CAMSAP1: variants seen among roughly 807,000 people sequenced by gnomAD.
CAMSAP1 encodes calmodulin-regulated spectrin-associated protein 1.
In CAMSAP1, 58 loss-of-function variants were observed where a neutral mutation model predicts 143.5. The observed-to-expected ratio is 0.40, with a 90% CI of 0.33 to 0.50. The LOEUF (loss-of-function observed/expected upper bound fraction) is 0.50, where lower values mean the gene tolerates loss of function less well. Among genes scored for constraint, CAMSAP1 ranks in the 20% least tolerant of loss-of-function variants. CAMSAP1 has a pLI of 0.45. For synonymous variants in CAMSAP1, 945 were observed against 859.3 expected (o/e 1.10, Z -1.74); for missense variants, 1,969 against 2,115.7 (o/e 0.93, Z 1.36).
At chr9:135,817,046 C>G (rs1439636223) in intron 14 of CAMSAP1, among the ~76,000 whole-genome samples, 3 of 152,196 alleles carry the variant, frequency 2.0e-5, no homozygotes, top group Non-Finnish European at 4.4e-5. Flanking sequence ...GAAGCCGATA[C>G]TGAGAGGCAG....
intron 11 of CAMSAP1, among the ~76,000 whole-genome samples, chr9:135,819,918 C>G (rs1835384408): frequency 6.6e-6 from 1 of 152,066 alleles, no homozygotes; most frequent in Admixed American, 6.6e-5. Flanking sequence ...GTGCAACCAC[C>G]AAATAAAGCT....
intron 14 of CAMSAP1, among the ~76,000 whole-genome samples, chr9:135,817,482 C>T (rs1247902210): frequency 6.6e-6 from 1 of 151,936 alleles, no homozygotes; most frequent in African/African-American, 2.4e-5. Context: ...GCCTCAACTT[C>T]CTGGGCTCAA....
chr9:135,811,087 C>A lies in CAMSAP1; in HGVS notation c.*222G>T. On this transcript the variant is annotated 3_prime_UTR_variant, in exon 17 of 17. Coordinates refer to ENST00000389532, the MANE Select transcript of CAMSAP1 (RefSeq NM_015447.4). The surrounding 1 kb of genome is among the most constrained non-coding windows in gnomAD (Gnocchi z 4.9). ...ACTGCAAAAGCGGCATCTACTCCCCCATCCTCACCCTGCCTGGCATCCTCT... is the reference window on the plus strand; with the variant it reads ...ACTGCAAAAGCGGCATCTACTCCCCAATCCTCACCCTGCCTGGCATCCTCT... 5.0e-6 allele frequency: 3 copies of A among 594,270 alleles called. No homozygotes were observed. Among genetic ancestry groups the A allele is most frequent in the Non-Finnish European group, 5.9e-6 (2 of 339,894 alleles). 36.8% of individuals were successfully genotyped at this position (594,270 alleles called of 1,614,324 possible).
At chr9:135,887,846 G>A (rs970414731) in intron 1 of CAMSAP1, among the ~76,000 whole-genome samples, 1 of 152,220 alleles carries the variant, frequency 6.6e-6, no homozygotes, top group African/African-American at 2.4e-5. Context: ...GGCACTGTCA[G>A]GGTGGCAGCA....
intron 3 of CAMSAP1, among the ~76,000 whole-genome samples, chr9:135,874,089 C>T (rs191002318): frequency 3.3e-5 from 5 of 152,216 alleles, no homozygotes; most frequent in African/African-American, 9.6e-5. Flanking sequence ...TACTGTAATT[C>T]ATTGTATCAA....
At chr9:135,817,827 G>C (rs1835286949) in intron 14 of CAMSAP1, 150 bp downstream of exon 14, 3 of 680,692 alleles carry the variant, frequency 4.4e-6, no homozygotes, top group East Asian at 5.5e-5. Context: ...TGGTATTCCT[G>C]ATGACATGAT....
chr9:135,842,337 A>G (rs1464402401), intron 7 of CAMSAP1, among the ~76,000 whole-genome samples: 2 of 152,244 alleles, frequency 1.3e-5, no homozygotes, highest in Non-Finnish European at 2.9e-5. Context: ...CCTCCAAGAA[A>G]TATGGGACTA....
intron 7 of CAMSAP1, among the ~76,000 whole-genome samples, chr9:135,837,516 C>T (rs1307172841): frequency 1.3e-5 from 2 of 148,800 alleles, no homozygotes; most frequent in Admixed American, 6.7e-5. Flanking sequence ...GTTCTACAGA[C>T]ACACATCATC....
At position 135,860,784 on chromosome 9, in the gene CAMSAP1, C is replaced by T. The variant is rs531084394; in HGVS notation, c.808+1683G>A. ...TCTTGGTGCCAAATCAGCTGCAGTGCCTGCTTTCCCTGCGTGGTTTCTGAT... is the reference window on the plus strand; with the variant it reads ...TCTTGGTGCCAAATCAGCTGCAGTGTCTGCTTTCCCTGCGTGGTTTCTGAT... On this transcript the variant is annotated intron_variant, in intron 5 of 16. Coordinates refer to ENST00000389532, the MANE Select transcript of CAMSAP1 (RefSeq NM_015447.4). 2.4e-4 allele frequency among the ~76,000 whole-genome samples: 37 copies of T among 152,192 alleles called. No individual in the cohort carries two copies. In the South Asian group the frequency reaches 7.1e-3, roughly 29 times the overall value.
intron 8 of CAMSAP1, among the ~76,000 whole-genome samples, chr9:135,825,512 G>C (rs1219205378): frequency 6.6e-6 from 1 of 152,176 alleles, no homozygotes; most frequent in East Asian, 1.9e-4. Flanking sequence ...GGTGCACACA[G>C]AAGCATGGGT....
intron 7 of CAMSAP1, among the ~76,000 whole-genome samples, chr9:135,841,696 A>G (rs529559399): frequency 1.3e-5 from 2 of 152,372 alleles, no homozygotes; most frequent in South Asian, 4.1e-4. Context: ...TGCTGGTGAT[A>G]TCCAGGCAAA....
chr9:135,847,692 CCTGTCG>C (rs2130893632), intron 7 of CAMSAP1, among the ~76,000 whole-genome samples: 1 of 148,144 alleles, frequency 6.8e-6, no homozygotes, highest in South Asian at 2.2e-4. Flanking sequence ...ACATCACACA[CCTGTCG>C]GGGGGTGGGA....
chr9:135,820,933 G>GCCTTCAGGTCGGAGA lies in CAMSAP1; in HGVS notation c.3713_3727dup (p.Lys1242_Ala1243insValSerAspLeuLys). On this transcript the variant is annotated inframe_insertion, in exon 11 of 17. Coordinates refer to ENST00000389532, the MANE Select transcript of CAMSAP1 (RefSeq NM_015447.4). This position sits in a 1 kb window ranked among gnomAD's most constrained non-coding sequence, Gnocchi z 4.4. ...TACCAGCTCCCCATCCTCGTCGGGGGCCTTCAGGTCGGAGAGGTCCACTTC... is the reference window on the plus strand; with the variant it reads ...TACCAGCTCCCCATCCTCGTCGGGGGCCTTCAGGTCGGAGACCTTCAGGTCGGAGAGGTCCACTTC... The GCCTTCAGGTCGGAGA allele has an allele frequency of 1.2e-6, 2 of 1,613,768 alleles. No homozygotes were observed. The highest frequency in any genetic ancestry group is 1.7e-6 in the Non-Finnish European group (2 of 1,179,820).
rs1158477593 is a variant in CAMSAP1, at chr9:135,809,858, T to A, written c.*1451A>T. 1 of 152,604 alleles carries A rather than the reference T, an allele frequency of 6.6e-6. No individual in the cohort carries two copies. The highest frequency in any genetic ancestry group is 2.4e-5 in the African/African-American group (1 of 41,472). 9.5% of individuals were successfully genotyped at this position (152,604 alleles called of 1,614,324 possible). A position where few individuals can be genotyped will look rare whatever the true frequency, so the allele number is the denominator to read the frequency against. On this transcript the variant is annotated 3_prime_UTR_variant, in exon 17 of 17. Transcript: ENST00000389532. Reference sequence around the variant, plus strand: ...ACTGAGGAAAGGGGAATAAGACCTATAATTCCTTCTAGCCTTCTGTACCAT... The same window carrying A: ...ACTGAGGAAAGGGGAATAAGACCTAAAATTCCTTCTAGCCTTCTGTACCAT...
Position 135,822,071 on chromosome 9 carries a change from T to C in CAMSAP1, c.2590A>G (p.Ser864Gly). Reference sequence around the variant, plus strand: ...CTGGCGGGATCCTTGCCATGCTGGCTCGGACTCTGCTCCCTCTTCTGCCTC... The same window carrying C: ...CTGGCGGGATCCTTGCCATGCTGGCCCGGACTCTGCTCCCTCTTCTGCCTC... Reference protein sequence around the residue: ...TWRQKREQSPSQHGKDPASLL... With the variant: ...TWRQKREQSPGQHGKDPASLL... The change falls in exon 11 of 17, where the codon AGC becomes GGC. Residue 864 changes from serine (S) to glycine (G), a missense_variant. Physicochemically the swap from Ser to Gly is moderately conservative, Grantham distance 56. Transcript: ENST00000389532. This position sits in a 1 kb window ranked among gnomAD's most constrained non-coding sequence, Gnocchi z 6.1. 6.2e-7 allele frequency: 1 copy of C among 1,612,518 alleles called. No homozygotes were observed.
chr9:135,829,534 A>G (rs1247927027), intron 7 of CAMSAP1, among the ~76,000 whole-genome samples: 5 of 151,458 alleles, frequency 3.3e-5, no homozygotes, highest in Non-Finnish European at 7.4e-5. Flanking sequence ...AGAAGAAAAA[A>G]AGGTAAAAGA....
rs1837424988 is a variant in CAMSAP1 at position 135,867,559 on chromosome 9, AT to A, written c.586-1024del. Among the ~76,000 whole-genome samples the A allele has an allele frequency of 2.0e-5, 3 of 151,916 alleles. 1 individual carries two copies. The South Asian group carries it at 6.2e-4, about 31-fold the overall frequency. Reference sequence around the variant, plus strand: ...CCAATACATAACATGAAACAGTCATATTTTTGGAGGAAAGTCGAAGCCACTA... The same window carrying A: ...CCAATACATAACATGAAACAGTCATATTTTGGAGGAAAGTCGAAGCCACTA... On this transcript the variant is annotated intron_variant, in intron 3 of 16. Coordinates refer to ENST00000389532, the MANE Select transcript of CAMSAP1 (RefSeq NM_015447.4).
intron 5 of CAMSAP1, 150 bp from the exon 6 acceptor site, chr9:135,850,611 G>A (rs1836741640): frequency 1.7e-6 from 1 of 599,516 alleles, no homozygotes; most frequent in East Asian, 3.1e-5. Flanking sequence ...TGTACAACAA[G>A]TAACACTAAG....
intron 14 of CAMSAP1, 109 bp downstream of exon 14, chr9:135,817,868 C>A: frequency 1.2e-6 from 1 of 825,846 alleles, no homozygotes; most frequent in Non-Finnish European, 1.9e-6. Flanking sequence ...GAAATTATAT[C>A]AAAATTAAAG....
Sources: allele counts gnomAD v4.1 joint callset (sites outside exome capture counted in the v4.1 genomes callset), GRCh38; gene constraint gnomAD v4.1.1; non-coding constraint Gnocchi (gnomAD v3.1); transcripts MANE v1.5; gene names NCBI Gene and HGNC (gene_info 2026-07-23, HGNC 2026-07-21).